The following PPA2 variants were observed in gnomAD, a reference collection of about 807,000 sequenced individuals.
The protein encoded by PPA2 is inorganic pyrophosphatase 2.
PPA2 carries 48 observed loss-of-function variants against 49.5 expected under a neutral mutation model. The ratio of observed to expected loss-of-function variants is 0.97; its 90% CI spans 0.77 to 1.23. PPA2 has a LOEUF of 1.23. Ranked by LOEUF, PPA2 falls within the 50% of genes most tolerant of loss-of-function variation. The pLI is 0.00. For missense variants in PPA2, 429 were observed against 410.1 expected (o/e 1.05, Z -0.40); for synonymous variants, 131 against 139.9 (o/e 0.94, Z 0.45).
chr4:105,420,106 G>A (rs112888280), intron 7 of PPA2, among the ~76,000 whole-genome samples: 4,996 of 152,034 alleles, frequency 0.033, 274 homozygotes, highest in African/African-American at 0.11. Context: ...CCATATAGCT[G>A]GGATTACAGG....
At chr4:105,376,537 A>C (rs1733260510) in intron 10 of PPA2, among the ~76,000 whole-genome samples, 2 of 152,126 alleles carry the variant, frequency 1.3e-5, no homozygotes. Flanking sequence ...TCTGTCGATG[A>C]ATAGGCAAAA....
chr4:105,408,978 G>C (rs905547009), intron 7 of PPA2, among the ~76,000 whole-genome samples: 1 of 152,242 alleles, frequency 6.6e-6, no homozygotes. Flanking sequence ...AGCTCCCAGA[G>C]AGATTGACGC....
intron 10 of PPA2, among the ~76,000 whole-genome samples, chr4:105,376,943 C>T (rs1219097109): frequency 6.6e-6 from 1 of 152,146 alleles, no homozygotes; most frequent in Non-Finnish European, 1.5e-5. Context: ...ATTTCCCCAA[C>T]TTTGCATAAT....
chr4:105,472,976 G>A (rs534260281), intron 1 of PPA2, among the ~76,000 whole-genome samples: 25 of 152,324 alleles, frequency 1.6e-4, no homozygotes, highest in Admixed American at 5.2e-4. Context: ...GAGTTAAGAC[G>A]TGAAGAACTC....
chr4:105,461,767 A>G (rs982234433), intron 1 of PPA2, among the ~76,000 whole-genome samples: 3 of 152,242 alleles, frequency 2.0e-5, no homozygotes, highest in Non-Finnish European at 4.4e-5. Flanking sequence ...ATGTATTTAC[A>G]GAGTGTTTCA....
rs1369038896 is a variant in PPA2, at chr4:105,455,284, CCAAAA to C, written c.222+1392_222+1396del. 2.0e-5 allele frequency among the ~76,000 whole-genome samples: 3 copies of C among 152,240 alleles called. No homozygotes were observed. In the East Asian group the frequency reaches 5.8e-4, roughly 29 times the overall value. On this transcript the variant is annotated intron_variant, in intron 2 of 11. Transcript: ENST00000341695. Reference sequence around the variant, plus strand: ...ATATTTAGGTTTGAAAGTTCAGTGGCCAAAACAAAACACAGGAACACATATACACA... The same window carrying C: ...ATATTTAGGTTTGAAAGTTCAGTGGCCAAAACACAGGAACACATATACACA...
At chr4:105,442,839 C>T (rs1724428747) in intron 5 of PPA2, among the ~76,000 whole-genome samples, 1 of 152,226 alleles carries the variant, frequency 6.6e-6, no homozygotes, top group African/African-American at 2.4e-5. Flanking sequence ...AGTAACTGCT[C>T]TGAACAAGTT....
chr4:105,406,573 A>G (rs1216625165), intron 7 of PPA2, among the ~76,000 whole-genome samples: 1 of 152,226 alleles, frequency 6.6e-6, no homozygotes, highest in Non-Finnish European at 1.5e-5. Flanking sequence ...CTGAGAAAAA[A>G]TAATACATTA....
chr4:105,384,612 T>G (rs1481903370), intron 10 of PPA2, among the ~76,000 whole-genome samples: 1 of 152,208 alleles, frequency 6.6e-6, no homozygotes, highest in Non-Finnish European at 1.5e-5. Flanking sequence ...TTTGATTTCC[T>G]TCATTTTCAT....
intron 9 of PPA2, among the ~76,000 whole-genome samples, chr4:105,393,497 T>C (rs1159122714): frequency 0.017 from 1,084 of 62,846 alleles, 12 homozygotes; most frequent in African/African-American, 0.046. Context: ...ATAATAATAA[T>C]AATAATAATA....
chr4:105,400,250 G>C (rs982349019), intron 7 of PPA2, among the ~76,000 whole-genome samples: 1 of 151,788 alleles, frequency 6.6e-6, no homozygotes. Context: ...AATTAATATT[G>C]AGTTCCTTGA....
chr4:105,463,271 T>C (rs1030400461), intron 1 of PPA2, among the ~76,000 whole-genome samples: 1 of 152,122 alleles, frequency 6.6e-6, no homozygotes, highest in African/African-American at 2.4e-5. Flanking sequence ...TTCTTGACAG[T>C]TTTAGCAAAG....
At position 105,461,195 on chromosome 4, in the gene PPA2, A is replaced by C. The variant is rs376228052; in HGVS notation, c.158-4450T>G. Among the ~76,000 whole-genome samples the C allele has an allele frequency of 5.9e-5, 9 of 152,302 alleles. No homozygotes were observed. In the East Asian group the frequency reaches 1.4e-3, roughly 23 times the overall value. ...AATGATGAGGCTCATAAATTTGGAA[A>C]GCAGAGCTTTATTTCTCATAAAGGG... On this transcript the variant is annotated intron_variant, in intron 1 of 11. Coordinates refer to ENST00000341695, the MANE Select transcript of PPA2 (RefSeq NM_176869.3).
intron 7 of PPA2, chr4:105,399,765 ATATACACAGCAATCT>A (rs1301857203): frequency 6.6e-6 from 1 of 152,314 alleles, no homozygotes; most frequent in African/African-American, 2.4e-5. Context: ...ACTGAGGATC[ATATACACAGCAATCT>A]CCCTTTATCC....
intron 1 of PPA2, among the ~76,000 whole-genome samples, chr4:105,471,152 G>A (rs1292684536): frequency 6.6e-6 from 1 of 152,122 alleles, no homozygotes; most frequent in East Asian, 1.9e-4. Context: ...TATACCATGG[G>A]ATGCTTGTGT....
chr4:105,397,611 T>C (rs716205), intron 8 of PPA2, among the ~76,000 whole-genome samples: 56,787 of 151,932 alleles, frequency 0.37, 12,568 homozygotes, highest in East Asian at 0.68. Flanking sequence ...ATCCGCAGTG[T>C]TGGAAGTGAG....
intron 7 of PPA2, among the ~76,000 whole-genome samples, chr4:105,420,120 G>A (rs1723189202): frequency 6.6e-6 from 1 of 152,074 alleles, no homozygotes; most frequent in Non-Finnish European, 1.5e-5. Context: ...TTACAGGCAT[G>A]TGCCACCACA....
rs1178181798 is a variant in PPA2, at chr4:105,449,133, C to CCCT, written c.321+216_321+217insAGG. Among the ~76,000 whole-genome samples, 16 of 121,710 alleles carry CCCT rather than the reference C, an allele frequency of 1.3e-4. 1 individual carries two copies. The highest frequency in any genetic ancestry group is 5.2e-4 in the African/African-American group (14 of 26,736). 79.8% of individuals were successfully genotyped at this position (121,710 alleles called of 152,430 possible). Reference sequence around the variant, plus strand: ...TTGGGAGGCTGAGGCAGGAGAATGGCGTGAACCCGGGAGGCGGAGCTTGCA... The same window carrying CCCT: ...TTGGGAGGCTGAGGCAGGAGAATGGCCCTGTGAACCCGGGAGGCGGAGCTTGCA... On this transcript the variant is annotated intron_variant, in intron 4 of 11. Transcript: ENST00000341695.
At chr4:105,402,156 C>A (rs1309221866) in intron 7 of PPA2, among the ~76,000 whole-genome samples, 1 of 151,992 alleles carries the variant, frequency 6.6e-6, no homozygotes, top group African/African-American at 2.4e-5. Flanking sequence ...CCCCTAATCC[C>A]AGCTACTTGG....
Sources: allele counts gnomAD v4.1 joint callset (sites outside exome capture counted in the v4.1 genomes callset), GRCh38; gene constraint gnomAD v4.1.1; transcripts MANE v1.5; gene names NCBI Gene and HGNC (gene_info 2026-07-23, HGNC 2026-07-21).